Variants in CDH4 observed in about 807,000 individuals in gnomAD.
CDH4 encodes the protein cadherin-4.
Under a neutral mutation model 86.0 loss-of-function variants are expected in CDH4, and 33 were observed. The ratio of observed to expected loss-of-function variants is 0.38; its 90% CI spans 0.29 to 0.51. The LOEUF is 0.51. Ranked by LOEUF, CDH4 falls within the 20% of genes least tolerant of loss-of-function variation. The pLI is 0.86. For missense variants in CDH4, 1,114 were observed against 1,307.4 expected (o/e 0.85, Z 2.28); for synonymous variants, 555 against 549.4 (o/e 1.01, Z -0.14).
intron 6 of CDH4, among the ~76,000 whole-genome samples, chr20:61,868,884 C>G (rs148084991): frequency 0.032 from 4,918 of 151,800 alleles, 594 homozygotes; most frequent in Middle Eastern, 0.061. Flanking sequence ...CCGGGCACAC[C>G]TGGCCCCCAC....
intron 2 of CDH4, among the ~76,000 whole-genome samples, chr20:61,333,486 C>A (rs1399553048): frequency 6.6e-6 from 1 of 152,182 alleles, no homozygotes. Context: ...AAGGGGGACC[C>A]AGCACAGAGC....
chr20:61,438,986 A>G (rs1175042263), intron 2 of CDH4, among the ~76,000 whole-genome samples: 7 of 151,986 alleles, frequency 4.6e-5, no homozygotes, highest in Admixed American at 1.3e-4. Flanking sequence ...TTATTTACAC[A>G]ATGAAAACAC....
chr20:61,252,563 C>T lies in CDH4; in HGVS notation c.50C>T (p.Ala17Val), dbSNP rs1208424776. ...VLLLLLSLSGALRAHNEDLTT... is the reference protein window; with the variant it reads ...VLLLLLSLSGVLRAHNEDLTT... ...CTTCTGCTGCTCTCGCTCTCCGGCG[C>T]GCTCCGGGTAAGTTGCCGCCTCCCG... Residue 17 changes from alanine (A) to valine (V), a missense_variant, in exon 1 of 16, where the codon GCG (alanine) becomes GTG (valine). Transcript: ENST00000614565. This position sits in a 1 kb window ranked among gnomAD's most constrained non-coding sequence, Gnocchi z 4.4. 2 of 1,205,392 alleles carry T rather than the reference C, an allele frequency of 1.7e-6. No homozygotes were observed. The highest frequency in any genetic ancestry group is 2.1e-6 in the Non-Finnish European group (2 of 970,680). 74.7% of individuals were successfully genotyped at this position (1,205,392 alleles called of 1,614,324 possible).
rs75809141 is a variant in CDH4 at position 61,459,376 on chromosome 20, G to A, written c.169+204439G>A. Among the ~76,000 whole-genome samples, 990 of 152,004 alleles carry A rather than the reference G, an allele frequency of 6.5e-3. 7 individuals carry two copies. The highest frequency in any genetic ancestry group is 9.6e-3 in the Non-Finnish European group (655 of 67,970). ...CCAGGAATGGGCATGATGGAGCAAT[G>A]GTGAGAGGACCCCAACCCCGGGGTT... On this transcript the variant is annotated intron_variant, in intron 2 of 15. Transcript: ENST00000614565.
At chr20:61,419,744 C>CA (rs1224254424) in intron 2 of CDH4, among the ~76,000 whole-genome samples, 1 of 152,150 alleles carries the variant, frequency 6.6e-6, no homozygotes, top group Non-Finnish European at 1.5e-5. Context: ...TGTGTCTGGC[C>CA]AATTCCATCT....
rs1372930127 is a variant in CDH4 at position 61,938,066 on chromosome 20, C to T, written c.*1123C>T. On this transcript the variant is annotated 3_prime_UTR_variant, in exon 16 of 16. Coordinates refer to ENST00000614565, the MANE Select transcript of CDH4 (RefSeq NM_001794.5). The stretch of plus-strand genomic sequence containing the variant: ...GTCCCCAGCCTGTGCTCCTGATTCC[C>T]GCCAGACGCTTGTGAGCCTGTGTGG... 4 of 152,632 alleles carry T rather than the reference C, an allele frequency of 2.6e-5. No homozygotes were observed. Among genetic ancestry groups the T allele is most frequent in the South Asian group, 2.1e-4 (1 of 4,846 alleles). 9.5% of individuals were successfully genotyped at this position (152,632 alleles called of 1,614,324 possible).
chr20:61,283,784 C>T (rs2084278007), intron 2 of CDH4, among the ~76,000 whole-genome samples: 1 of 152,118 alleles, frequency 6.6e-6, no homozygotes. Context: ...GGTTCAGAAG[C>T]TCTGTTACGT....
chr20:61,840,552 TTAAAC>T (rs778678056), intron 4 of CDH4, among the ~76,000 whole-genome samples: 26 of 152,238 alleles, frequency 1.7e-4, no homozygotes, highest in Admixed American at 1.4e-3. Flanking sequence ...AGACATCACT[TTAAAC>T]TAACCTTTCA....
chr20:61,353,544 GGACATCTCTCA>G (rs2084725615), intron 2 of CDH4, among the ~76,000 whole-genome samples: 1 of 122,580 alleles, frequency 8.2e-6, no homozygotes, highest in Admixed American at 8.4e-5. Context: ...CACTGAGAGT[GGACATCTCTCA>G]GACTGGTCAC....
chr20:61,413,877 C>T (rs919699454), intron 2 of CDH4, among the ~76,000 whole-genome samples: 2 of 152,210 alleles, frequency 1.3e-5, no homozygotes, highest in African/African-American at 4.8e-5. Context: ...CAAAGACCCA[C>T]AGGCTGGGCA....
chr20:61,869,689 C>T (rs1983713675), intron 6 of CDH4, among the ~76,000 whole-genome samples: 1 of 152,234 alleles, frequency 6.6e-6, no homozygotes, highest in African/African-American at 2.4e-5. Context: ...CCGCCTTTTC[C>T]CCAGGTCCCC....
chr20:61,839,884 G>A (rs1160023826), intron 4 of CDH4, among the ~76,000 whole-genome samples: 1 of 151,460 alleles, frequency 6.6e-6, no homozygotes, highest in African/African-American at 2.4e-5. Flanking sequence ...CTTGTGTGGT[G>A]TGTGTGTATG....
intron 2 of CDH4, among the ~76,000 whole-genome samples, chr20:61,591,794 G>A (rs977285865): frequency 5.9e-5 from 9 of 152,064 alleles, no homozygotes; most frequent in Non-Finnish European, 1.2e-4. Flanking sequence ...TCTGAATTAC[G>A]CAGGTCTTCC....
At chr20:61,429,359 T>G (rs1462991682) in intron 2 of CDH4, among the ~76,000 whole-genome samples, 1 of 152,226 alleles carries the variant, frequency 6.6e-6, no homozygotes, top group African/African-American at 2.4e-5. Flanking sequence ...ACACATGCCC[T>G]GGCCATCAGG....
intron 2 of CDH4, among the ~76,000 whole-genome samples, chr20:61,592,233 A>T (rs926319334): frequency 1.2e-4 from 18 of 152,190 alleles, no homozygotes; most frequent in Admixed American, 9.2e-4. Context: ...AGAGTCAAGA[A>T]GTCAAGACTT....
chr20:61,877,349 G>C (rs1387373755), intron 7 of CDH4, among the ~76,000 whole-genome samples: 1 of 151,638 alleles, frequency 6.6e-6, no homozygotes, highest in African/African-American at 2.4e-5. Context: ...AGCAGACACA[G>C]AGCGGTACCC....
chr20:61,383,325 T>C (rs2084919315), intron 2 of CDH4, among the ~76,000 whole-genome samples: 1 of 35,002 alleles, frequency 2.9e-5, no homozygotes, highest in Admixed American at 3.8e-4. Flanking sequence ...ATGTGATATA[T>C]ATGAATATAT....
At chr20:61,729,050 C>T (rs1254446794) in intron 2 of CDH4, among the ~76,000 whole-genome samples, 1 of 152,198 alleles carries the variant, frequency 6.6e-6, no homozygotes, top group Non-Finnish European at 1.5e-5. Context: ...CTCCAGCCGT[C>T]CTCGCCCATG....
chr20:61,600,050 A>C (rs573565090), intron 2 of CDH4: 27 of 717,198 alleles, frequency 3.8e-5, no homozygotes, highest in Non-Finnish European at 4.6e-5. Flanking sequence ...GAGCCTCTCT[A>C]TTTGAACAGA....
Sources: gnomAD v4.1 joint callset for allele counts (sites outside exome capture counted in the v4.1 genomes callset) on GRCh38, gnomAD v4.1.1 for gene constraint, Gnocchi (gnomAD v3.1) non-coding constraint, MANE v1.5 for transcripts, NCBI Gene and HGNC (gene_info 2026-07-23, HGNC 2026-07-21) for gene names.